Variants in DAPK2 observed in about 807,000 individuals in gnomAD.
DAPK2 encodes death associated protein kinase 2, also known as death-associated protein kinase 2.
A neutral mutation model predicts 44.1 loss-of-function variants in DAPK2; 35 were observed. That is an observed-to-expected ratio of 0.79 (90% CI 0.61 to 1.05). The LOEUF is 1.05. Among genes scored for constraint, DAPK2 ranks in the 50% least tolerant of loss-of-function variants. The pLI is 0.00. For synonymous variants in DAPK2, 174 were observed against 182.6 expected (o/e 0.95, Z 0.38); for missense variants, 453 against 483.2 (o/e 0.94, Z 0.59).
chr15:64,025,797 T>C (rs2079823422), intron 1 of DAPK2, among the ~76,000 whole-genome samples: 1 of 152,238 alleles, frequency 6.6e-6, no homozygotes, highest in South Asian at 2.1e-4. Flanking sequence ...TTGAGTTTTA[T>C]TTTGTTTTTA....
chr15:64,024,862 C>A (rs540130955), intron 1 of DAPK2, among the ~76,000 whole-genome samples: 2 of 152,342 alleles, frequency 1.3e-5, no homozygotes, highest in South Asian at 4.1e-4. Flanking sequence ...TATTTCATCA[C>A]CCTTCAAGCC....
Position 64,013,600 on chromosome 15 carries a change from C to T in DAPK2, c.92+26570G>A, listed in dbSNP as rs536278316. Among the ~76,000 whole-genome samples the T allele has an allele frequency of 2.8e-4, 43 of 152,338 alleles. 1 individual carries two copies. The highest frequency in any genetic ancestry group is 1.0e-3 in the African/African-American group (43 of 41,578). ...CCCTGAGATACCATCTAGCCTAACC[C>T]TCACATTGCCAGAGAAGGAACTGAG... is the stretch of plus-strand genomic sequence containing the variant. On this transcript the variant is annotated intron_variant, in intron 1 of 10. Transcript: ENST00000261891. This position sits in a 1 kb window ranked among gnomAD's most constrained non-coding sequence, Gnocchi z 4.7.
chr15:64,003,909 A>C (rs2079161355), intron 1 of DAPK2, among the ~76,000 whole-genome samples: 1 of 152,210 alleles, frequency 6.6e-6, no homozygotes, highest in Non-Finnish European at 1.5e-5. Context: ...CTGGCCTATC[A>C]CACCTTTTAA....
chr15:63,915,661 C>G (rs1484919770), intron 8 of DAPK2, among the ~76,000 whole-genome samples: 1 of 152,156 alleles, frequency 6.6e-6, no homozygotes, highest in African/African-American at 2.4e-5. Flanking sequence ...GCTAAAATGT[C>G]AGGTGAGATC....
chr15:63,984,462 G>C (rs2078616480), intron 1 of DAPK2, among the ~76,000 whole-genome samples: 1 of 152,178 alleles, frequency 6.6e-6, no homozygotes, highest in Admixed American at 6.5e-5. Context: ...GCATGAAATG[G>C]AGTCCATGGC....
chr15:63,922,157 A>G (rs1009630103), intron 8 of DAPK2: 10 of 305,920 alleles, frequency 3.3e-5, no homozygotes, highest in African/African-American at 2.3e-4. Context: ...AATAATAATA[A>G]TGCCACCCAC....
intron 4 of DAPK2, among the ~76,000 whole-genome samples, chr15:63,938,471 G>A (rs1050070485): frequency 6.6e-6 from 1 of 152,216 alleles, no homozygotes; most frequent in South Asian, 2.1e-4. Flanking sequence ...TGGTTGGTCT[G>A]ACACATTCTT....
intron 4 of DAPK2, among the ~76,000 whole-genome samples, chr15:63,932,164 T>TAA (rs1192270288): frequency 0.49 from 52,303 of 107,088 alleles, 14,235 homozygotes; most frequent in East Asian, 0.92. Flanking sequence ...GAGACCCTGT[T>TAA]TAAAAAAAAA....
In DAPK2 at chr15:63,930,397, T is replaced by G. The variant is rs527678148; in HGVS notation, c.632+10A>C. 1 of 1,614,162 alleles carries G rather than the reference T, an allele frequency of 6.2e-7. No homozygotes were observed. The highest frequency in any genetic ancestry group is 8.5e-7 in the Non-Finnish European group (1 of 1,179,986). ...ATCGCTAGGTCACCTGAGTGGCCTATCCAACTTACCACATGTCAGCCTCCA... is the reference window on the plus strand; with the variant it reads ...ATCGCTAGGTCACCTGAGTGGCCTAGCCAACTTACCACATGTCAGCCTCCA... On this transcript the variant is annotated intron_variant, in intron 5 of 10. Coordinates refer to ENST00000261891, the Ensembl canonical transcript of DAPK2.
At chr15:63,949,110 C>T (rs1199914039) in intron 3 of DAPK2, among the ~76,000 whole-genome samples, 3 of 152,080 alleles carry the variant, frequency 2.0e-5, no homozygotes, top group Non-Finnish European at 4.4e-5. Flanking sequence ...TGCTGTGCAG[C>T]TCCATGTTTT....
chr15:63,987,619 G>T (rs1215640822), intron 1 of DAPK2, among the ~76,000 whole-genome samples: 1 of 152,164 alleles, frequency 6.6e-6, no homozygotes, highest in African/African-American at 2.4e-5. Flanking sequence ...AGTTTCATGG[G>T]CTTGACAGGG....
Position 63,923,626 on chromosome 15 carries a change from C to T in DAPK2, c.858+1190G>A, listed in dbSNP as rs911476843. 6.6e-6 allele frequency among the ~76,000 whole-genome samples: 1 copy of T among 152,236 alleles called. No individual in the cohort carries two copies. The highest frequency in any genetic ancestry group is 2.4e-5 in the African/African-American group (1 of 41,464). ...AGGGGTGCTCACGCAGACAAGCAGG[C>T]TGCAGCCAGGACTCCGCAGGCATCT... On this transcript the variant is annotated intron_variant, in intron 8 of 10. Transcript: ENST00000261891. The surrounding 1 kb of genome is among the most constrained non-coding windows in gnomAD (Gnocchi z 4.2).
intron 1 of DAPK2, among the ~76,000 whole-genome samples, chr15:64,015,787 G>A (rs1030862430): frequency 2.6e-5 from 4 of 152,280 alleles, no homozygotes; most frequent in African/African-American, 9.6e-5. Flanking sequence ...GTGTCTACAA[G>A]CCAAGAACAC....
chr15:63,957,955 C>T (rs1033718360), intron 3 of DAPK2, among the ~76,000 whole-genome samples: 1 of 152,098 alleles, frequency 6.6e-6, no homozygotes, highest in Non-Finnish European at 1.5e-5. Context: ...ATGGTTGAAC[C>T]AGTTTACAGT....
At chr15:63,942,308 T>C (rs899583789) in intron 3 of DAPK2, 5 of 965,498 alleles carry the variant, frequency 5.2e-6, no homozygotes, top group Non-Finnish European at 6.2e-6. Context: ...CCTAGCACTT[T>C]GGGAGGCCAA....
Position 63,926,025 on chromosome 15 carries a change from C to T in DAPK2, c.728G>A (p.Ser243Asn), listed in dbSNP as rs771656924. 3 of 1,614,074 alleles carry T rather than the reference C, an allele frequency of 1.9e-6. No homozygotes were observed. The highest frequency in any genetic ancestry group is 2.7e-5 in the African/African-American group (2 of 74,926). Reference sequence around the variant, plus strand: ...GAAGAATTCCTCATCAAAGTCGTAACTCACTGCTGTGATATTTGCCAGTGT... The same window carrying T: ...GAAGAATTCCTCATCAAAGTCGTAATTCACTGCTGTGATATTTGCCAGTGT... Residue 243 changes from serine to asparagine, a missense_variant, in exon 7 of 11, where the codon AGT becomes AAT. Physicochemically the swap from Ser to Asn is conservative, Grantham distance 46. Coordinates refer to ENST00000261891, the Ensembl canonical transcript of DAPK2.
intron 8 of DAPK2, chr15:63,922,778 C>T: frequency 6.5e-7 from 1 of 1,534,560 alleles, no homozygotes; most frequent in South Asian, 1.2e-5. Context: ...GCATGATCTG[C>T]TGAGCAGCTC....
intron 8 of DAPK2, chr15:63,921,103 G>C (rs2079060147): frequency 6.6e-6 from 1 of 152,260 alleles, no homozygotes. Flanking sequence ...GCTGGACTGA[G>C]CACTCCGTGA....
intron 5 of DAPK2, 179 bp from the exon 7 acceptor site, chr15:63,929,756 T>C: frequency 1.3e-6 from 1 of 751,912 alleles, no homozygotes; most frequent in Admixed American, 2.0e-5. Context: ...CGGGGTGTGT[T>C]TGGAGTCATC....
Sources: allele counts gnomAD v4.1 joint callset (sites outside exome capture counted in the v4.1 genomes callset), GRCh38; gene constraint gnomAD v4.1.1; non-coding constraint Gnocchi (gnomAD v3.1); transcripts MANE v1.5; gene names NCBI Gene and HGNC (gene_info 2026-07-23, HGNC 2026-07-21).